The following RBFOX1 variants were observed in gnomAD, a reference collection of about 807,000 sequenced individuals.
The protein encoded by RBFOX1 is RNA binding fox-1 homolog 1.
Under a neutral mutation model 57.7 loss-of-function variants are expected in RBFOX1, and 8 were observed. The ratio of observed to expected loss-of-function variants is 0.14; its 90% CI spans 0.08 to 0.25. The LOEUF is 0.25. RBFOX1 is among the 10% of genes least tolerant of loss of function. The probability of loss-of-function intolerance (pLI) is 1.00; values close to 1 mark genes in which losing one functional copy is unlikely to be tolerated. For synonymous variants in RBFOX1, 326 were observed against 222.4 expected (o/e 1.47, Z -4.15); for missense variants, 611 against 548.5 (o/e 1.11, Z -1.14).
In RBFOX1 at chr16:6,761,902, C is replaced by T. The variant is rs117448436; in HGVS notation, c.-16+107252C>T. ...AGGTACCTTCTTCCTCACTCTAATC[C>T]CACATTGTCTTCACCTCTAGACTGA... On this transcript the variant is annotated intron_variant, in intron 3 of 15. Coordinates refer to ENST00000550418, the MANE Select transcript of RBFOX1 (RefSeq NM_018723.4). Among the ~76,000 whole-genome samples the T allele has an allele frequency of 3.2e-4, 49 of 152,184 alleles. 1 individual carries two copies. The East Asian group carries it at 7.4e-3, about 23-fold the overall frequency.
intron 2 of RBFOX1, among the ~76,000 whole-genome samples, chr16:6,565,556 T>G (rs1600048989): frequency 6.6e-6 from 1 of 151,364 alleles, no homozygotes; most frequent in South Asian, 2.1e-4. Context: ...TGCGCCCAGC[T>G]CCCAGATTCA....
chr16:6,562,942 G>C (rs1192596344), intron 2 of RBFOX1, among the ~76,000 whole-genome samples: 1 of 132,226 alleles, frequency 7.6e-6, no homozygotes, highest in Non-Finnish European at 1.6e-5. Flanking sequence ...CATAGGATGA[G>C]TCCCACAGCC....
intron 6 of RBFOX1, among the ~76,000 whole-genome samples, chr16:7,586,574 T>C (rs563967861): frequency 6.6e-6 from 1 of 152,328 alleles, no homozygotes; most frequent in African/African-American, 2.4e-5. Context: ...AGTGTCTGCA[T>C]TTTATTTGTC....
At position 6,716,902 on chromosome 16, in the gene RBFOX1, A is replaced by T. The variant is rs374384709; in HGVS notation, c.-16+62252A>T. Among the ~76,000 whole-genome samples, 9 of 152,328 alleles carry T rather than the reference A, an allele frequency of 5.9e-5. 1 individual carries two copies. The highest frequency in any genetic ancestry group is 2.2e-4 in the African/African-American group (9 of 41,584). On this transcript the variant is annotated intron_variant, in intron 3 of 15. Transcript: ENST00000550418. ...CCATACATGGAAATCCTAACTCCCA[A>T]TGTGATGGTATTAGGAGGTGGGGTC...
intron 4 of RBFOX1, among the ~76,000 whole-genome samples, chr16:7,441,500 A>C (rs1175675355): frequency 2.0e-5 from 3 of 152,134 alleles, no homozygotes; most frequent in Non-Finnish European, 4.4e-5. Flanking sequence ...GTAAAAACTA[A>C]AACTGGTATC....
chr16:6,605,587 G>A (rs1045553426), intron 2 of RBFOX1, among the ~76,000 whole-genome samples: 2 of 152,100 alleles, frequency 1.3e-5, no homozygotes, highest in African/African-American at 4.8e-5. Context: ...ATTTTTACTT[G>A]TGCTGCTACT....
chr16:7,096,024 A>G (rs72656917), intron 4 of RBFOX1, among the ~76,000 whole-genome samples: 1 of 146,050 alleles, frequency 6.8e-6, no homozygotes, highest in African/African-American at 2.5e-5. Flanking sequence ...AAAAAAAAAA[A>G]AAAAAGAAAA....
chr16:6,673,284 C>T (rs1329533056), intron 3 of RBFOX1, among the ~76,000 whole-genome samples: 1 of 152,078 alleles, frequency 6.6e-6, no homozygotes, highest in Non-Finnish European at 1.5e-5. Flanking sequence ...TTGCAAGTAC[C>T]AGTCATTCAA....
intron 1 of RBFOX1, among the ~76,000 whole-genome samples, chr16:6,183,201 C>A (rs1270558190): frequency 1.3e-5 from 2 of 151,972 alleles, no homozygotes; most frequent in African/African-American, 4.8e-5. Flanking sequence ...GTAAGGAGGG[C>A]TGGGTTCAAT....
intron 3 of RBFOX1, among the ~76,000 whole-genome samples, chr16:6,977,045 C>A (rs1598908210): frequency 7.4e-6 from 1 of 134,672 alleles, no homozygotes; most frequent in Admixed American, 7.8e-5. Flanking sequence ...TCATATATAT[C>A]ATATATCATG....
Position 5,997,960 on chromosome 16 carries a change from G to A in RBFOX1, c.351+130625G>A, listed in dbSNP as rs555049231. On this transcript the variant is annotated intron_variant, in intron 4 of 19. Transcript: ENST00000641259. Reference sequence around the variant, plus strand: ...TCTTGAACAATATAAAAATGTGGCTGTTATTCCCACATAGGAAAAGCCGTA... The same window carrying A: ...TCTTGAACAATATAAAAATGTGGCTATTATTCCCACATAGGAAAAGCCGTA... 1.1e-4 allele frequency among the ~76,000 whole-genome samples: 17 copies of A among 152,242 alleles called. No homozygotes were observed. The South Asian group carries it at 3.5e-3, about 32-fold the overall frequency.
chr16:6,836,423 C>T (rs1372062076), intron 3 of RBFOX1, among the ~76,000 whole-genome samples: 1 of 152,218 alleles, frequency 6.6e-6, no homozygotes, highest in Non-Finnish European at 1.5e-5. Context: ...TCATATTTCT[C>T]AACAAACTCC....
chr16:7,494,312 C>T (rs1045706746), intron 4 of RBFOX1, among the ~76,000 whole-genome samples: 1 of 152,106 alleles, frequency 6.6e-6, no homozygotes, highest in Non-Finnish European at 1.5e-5. Flanking sequence ...TTTAAAGGCG[C>T]CCTTTGGGGA....
chr16:6,372,242 T>C (rs1029603763), intron 2 of RBFOX1, among the ~76,000 whole-genome samples: 1 of 151,892 alleles, frequency 6.6e-6, no homozygotes, highest in African/African-American at 2.4e-5. Flanking sequence ...AGGAGTATTG[T>C]TGGGTGGAAT....
chr16:7,112,271 C>T (rs1360396432), intron 4 of RBFOX1, among the ~76,000 whole-genome samples: 12 of 152,170 alleles, frequency 7.9e-5, no homozygotes, highest in South Asian at 6.2e-4. Flanking sequence ...GGTGCAATCT[C>T]GGCTCACTGC....
intron 3 of RBFOX1, among the ~76,000 whole-genome samples, chr16:6,837,501 T>C (rs899944362): frequency 6.6e-6 from 1 of 152,216 alleles, no homozygotes; most frequent in African/African-American, 2.4e-5. Flanking sequence ...AACATAACCA[T>C]GTCCTATGCA....
At chr16:5,394,901 G>C (rs914152008) in intron 1 of RBFOX1, among the ~76,000 whole-genome samples, 2 of 151,994 alleles carry the variant, frequency 1.3e-5, no homozygotes, top group Non-Finnish European at 2.9e-5. Flanking sequence ...TGCTAGGACT[G>C]AAGTGGTAAC....
At chr16:5,297,049 T>C (rs956131707) in intron 1 of RBFOX1, among the ~76,000 whole-genome samples, 1 of 152,224 alleles carries the variant, frequency 6.6e-6, no homozygotes, top group African/African-American at 2.4e-5. Context: ...AGTTTGCTTT[T>C]CATGATGTTC....
intron 3 of RBFOX1, among the ~76,000 whole-genome samples, chr16:5,785,068 T>C (rs905725993): frequency 6.6e-6 from 1 of 152,186 alleles, no homozygotes; most frequent in Non-Finnish European, 1.5e-5. Context: ...GTTGTGTAGA[T>C]AGTGGTGTCA....
Sources: allele counts gnomAD v4.1 joint callset (sites outside exome capture counted in the v4.1 genomes callset), GRCh38; gene constraint gnomAD v4.1.1; transcripts MANE v1.5; gene names NCBI Gene and HGNC (gene_info 2026-07-23, HGNC 2026-07-21).